The following CATIP variants were observed in gnomAD, a reference collection of about 807,000 sequenced individuals.
CATIP encodes the protein ciliogenesis associated TTC17 interacting protein.
In CATIP, 40 loss-of-function variants were observed where a neutral mutation model predicts 42.5. The observed-to-expected ratio is 0.94, with a 90% confidence interval of 0.73 to 1.22. CATIP has a LOEUF of 1.22. Among genes scored for constraint, CATIP ranks in the 50% most tolerant of loss-of-function variants. CATIP has a pLI of 0.00. For synonymous variants in CATIP, 222 were observed against 200.2 expected (o/e 1.11, Z -0.92); for missense variants, 489 against 496.0 (o/e 0.99, Z 0.13).
chr2:218,357,016 C>T, intron 1 of CATIP, 79 bp from the exon 2 acceptor site: 7 of 1,562,928 alleles, frequency 4.5e-6, no homozygotes, highest in Non-Finnish European at 6.1e-6. Context: ...GGGGCCAGGA[C>T]TGAGGTACCC....
chr2:218,356,892 C>T lies in CATIP; in HGVS notation c.8C>T (p.Ser3Phe), dbSNP rs763567737. 6.2e-7 allele frequency: 1 copy of T among 1,614,100 alleles called. No homozygotes were observed. Among genetic ancestry groups the T allele is most frequent in the Non-Finnish European group, 8.5e-7 (1 of 1,180,020 alleles). Reference protein sequence around the residue: MSSKVYSTGSRAK... With the variant: MSFKVYSTGSRAK... ...TAGAGGCAGGCCCACAGCATGTCCTCCAAGGTTTACTCCACAGGTGGGAAG... is the reference window on the plus strand; with the variant it reads ...TAGAGGCAGGCCCACAGCATGTCCTTCAAGGTTTACTCCACAGGTGGGAAG... Residue 3 changes from serine to phenylalanine, a missense_variant, in exon 1 of 10, where the codon TCC becomes TTC. Ser to Phe is a radical substitution (Grantham distance 155, BLOSUM62 -2). Coordinates refer to ENST00000289388, the MANE Select transcript of CATIP (RefSeq NM_198559.2).
At chr2:218,364,493 G>T in intron 6 of CATIP, 135 bp from the exon 7 acceptor site, 3 of 1,324,868 alleles carry the variant, frequency 2.3e-6, no homozygotes, top group Non-Finnish European at 3.1e-6. Flanking sequence ...CGCCAACTCA[G>T]CTTGGAGGTT....
intron 7 of CATIP, 148 bp downstream of exon 7, chr2:218,364,900 A>T: frequency 1.1e-6 from 1 of 933,486 alleles, no homozygotes; most frequent in Non-Finnish European, 1.6e-6. Context: ...CTCTTTCTTC[A>T]TTTATTTGCT....
At chr2:218,360,757 T>C (rs1453833601) in intron 5 of CATIP, 98 bp downstream of exon 5, 1 of 918,150 alleles carries the variant, frequency 1.1e-6, no homozygotes, top group African/African-American at 1.6e-5. Flanking sequence ...TTTGCCAAGG[T>C]TAAGGACGCG....
intron 2 of CATIP, 77 bp downstream of exon 2, chr2:218,357,264 T>C: frequency 1.3e-6 from 1 of 763,500 alleles, no homozygotes; most frequent in Non-Finnish European, 2.1e-6. Flanking sequence ...GTCCAGTCTC[T>C]CTCTCTCTCT....
intron 3 of CATIP, 57 bp downstream of exon 3, chr2:218,357,791 C>CACCAA: frequency 6.5e-7 from 1 of 1,529,206 alleles, no homozygotes; most frequent in Non-Finnish European, 9.0e-7. Flanking sequence ...CCCTCCCCTC[C>CACCAA]ACCAATTCCT....
chr2:218,358,174 C>T, intron 4 of CATIP, 82 bp downstream of exon 4: 3 of 1,113,880 alleles, frequency 2.7e-6, no homozygotes, highest in South Asian at 2.8e-5. Context: ...CAACAACAAA[C>T]CAAAAAACCT....
At chr2:218,363,403 G>A (rs976999919) in intron 6 of CATIP, among the ~76,000 whole-genome samples, 2 of 150,990 alleles carry the variant, frequency 1.3e-5, no homozygotes, top group South Asian at 2.1e-4. Context: ...GGAGAATGGC[G>A]TGAACCCGGG....
intron 6 of CATIP, 137 bp from the exon 7 acceptor site, chr2:218,364,491 C>T (rs1443233894): frequency 9.2e-6 from 12 of 1,308,596 alleles, no homozygotes; most frequent in Admixed American, 4.5e-5. Flanking sequence ...GTCGCCAACT[C>T]AGCTTGGAGG....
chr2:218,361,458 TA>T (rs1367029132), intron 5 of CATIP, among the ~76,000 whole-genome samples: 8 of 152,144 alleles, frequency 5.3e-5, no homozygotes, highest in Non-Finnish European at 1.0e-4. Flanking sequence ...CATAGGTAGA[TA>T]AGAGACATGC....
chr2:218,361,373 C>CA (rs879790847), intron 5 of CATIP, among the ~76,000 whole-genome samples: 2,771 of 129,806 alleles, frequency 0.021, 84 homozygotes, highest in African/African-American at 0.071. Flanking sequence ...GACTCCGTCT[C>CA]AAAAAAAAAA....
chr2:218,363,888 T>C (rs1426576214), intron 6 of CATIP, among the ~76,000 whole-genome samples: 1 of 152,224 alleles, frequency 6.6e-6, no homozygotes, highest in Non-Finnish European at 1.5e-5. Context: ...AATATTCCTT[T>C]ATTATTTCTT....
At chr2:218,367,556 C>T (rs761215544) in intron 9 of CATIP, 38 bp downstream of exon 9, 1 of 1,607,950 alleles carries the variant, frequency 6.2e-7, no homozygotes, top group Admixed American at 1.7e-5. Context: ...TTCCCATTCC[C>T]CCATGGGCCT....
At chr2:218,359,807 CTT>C (rs10570162) in intron 4 of CATIP, among the ~76,000 whole-genome samples, 29,081 of 148,568 alleles carry the variant, frequency 0.2, 3,003 homozygotes, top group Middle Eastern at 0.36. Context: ...GTTGCTGCTG[CTT>C]TTTTTTTTTT....
intron 7 of CATIP, 105 bp downstream of exon 7, chr2:218,364,857 A>G: frequency 7.8e-7 from 1 of 1,289,194 alleles, no homozygotes; most frequent in Non-Finnish European, 1.1e-6. Flanking sequence ...GCATTGAGAT[A>G]GGAGTGTCCC....
chr2:218,367,853 C>G lies in CATIP; in HGVS notation c.1053C>G (p.Phe351Leu), dbSNP rs150790572. 3.1e-6 allele frequency: 5 copies of G among 1,613,000 alleles called. No individual in the cohort carries two copies. Among genetic ancestry groups the G allele is most frequent in the Non-Finnish European group, 4.2e-6 (5 of 1,179,894 alleles). Reference sequence around the variant, plus strand: ...TGGTCACCTTCGCCGCCGAGTTCTTCGGCCCCTTCGACCCGTGGCGTCCGT... The same window carrying G: ...TGGTCACCTTCGCCGCCGAGTTCTTGGGCCCCTTCGACCCGTGGCGTCCGT... ...EDVVTFAAEF[F>L]GPFDPWRPSS... Residue 351 changes from phenylalanine to leucine, a missense_variant, in exon 10 of 10, where the codon TTC becomes TTG. Phe to Leu is a conservative substitution (Grantham distance 22). Coordinates refer to ENST00000289388, the MANE Select transcript of CATIP (RefSeq NM_198559.2).
In CATIP at chr2:218,367,444, C is replaced by A. The variant is rs1695492012; in HGVS notation, c.847C>A (p.Arg283Ser). 1.2e-6 allele frequency: 2 copies of A among 1,614,148 alleles called. No homozygotes were observed. The highest frequency in any genetic ancestry group is 1.3e-5 in the African/African-American group (1 of 75,044). Reference sequence around the variant, plus strand: ...TCCCCACCTAGATGAGATTGAGCCACGCCCAGTGTTTGAGAAGAAGCCCCT... The same window carrying A: ...TCCCCACCTAGATGAGATTGAGCCAAGCCCAGTGTTTGAGAAGAAGCCCCT... ...ILREEDEIEP[R>S]PVFEKKPLVW... The change falls in exon 9 of 10, where the codon CGC becomes AGC. Residue 283 changes from arginine (R) to serine (S), a missense_variant. Coordinates refer to ENST00000289388, the MANE Select transcript of CATIP (RefSeq NM_198559.2).
At chr2:218,363,193 A>C (rs1695296032) in intron 6 of CATIP, among the ~76,000 whole-genome samples, 1 of 151,896 alleles carries the variant, frequency 6.6e-6, no homozygotes, top group South Asian at 2.1e-4. Context: ...AAAATACATC[A>C]TTTTGGGCCA....
At position 218,357,330 on chromosome 2, in the gene CATIP, G is replaced by A. The variant is rs1244878011; in HGVS notation, c.118+143G>A. On this transcript the variant is annotated intron_variant, in intron 2 of 9. Transcript: ENST00000289388. ...GGGACTCAGAAAAGGCCTGAGGCCT[G>A]TTTGTTGACATTCTTCAAGGGAAGG... The A allele has an allele frequency of 4.2e-6, 3 of 707,106 alleles. No individual in the cohort carries two copies. The African/African-American group carries it at 5.5e-5, about 13-fold the overall frequency. The allele number at this position is 707,106 out of a possible 1,614,324, so 43.8% of individuals were successfully genotyped here.
Sources: gnomAD v4.1 joint callset for allele counts (sites outside exome capture counted in the v4.1 genomes callset) on GRCh38, gnomAD v4.1.1 for gene constraint, MANE v1.5 for transcripts, NCBI Gene and HGNC (gene_info 2026-07-23, HGNC 2026-07-21) for gene names.